The following ADAP1 variants were observed in gnomAD, a reference collection of about 807,000 sequenced individuals.
ADAP1 encodes ArfGAP with dual PH domains 1.
A neutral mutation model predicts 54.9 loss-of-function variants in ADAP1; 31 were observed. The observed-to-expected ratio is 0.56, with a 90% confidence interval of 0.42 to 0.76. The LOEUF (loss-of-function observed/expected upper bound fraction) is 0.76, where lower values mean the gene tolerates loss of function less well. ADAP1 is among the 30% of genes least tolerant of loss of function. The pLI, the probability that ADAP1 is intolerant of heterozygous loss-of-function variation, is 0.00. For synonymous variants in ADAP1, 313 were observed against 202.6 expected, an observed-to-expected ratio of 1.55 and a Z score of -4.63; for missense variants, 535 against 512.4, an observed-to-expected ratio of 1.04 and a Z score of -0.42.
intron 7 of ADAP1, 60 bp downstream of exon 7, chr7:900,473 T>TGCCCC: frequency 6.7e-7 from 1 of 1,486,582 alleles, no homozygotes; most frequent in Non-Finnish European, 9.2e-7. Context: ...GAGGGCTCCG[T>TGCCCC]CCACCCCCCA....
At chr7:948,342 G>C (rs1430626468) in intron 1 of ADAP1, among the ~76,000 whole-genome samples, 1 of 152,030 alleles carries the variant, frequency 6.6e-6, no homozygotes, top group Non-Finnish European at 1.5e-5. Context: ...CTGAGCTTCT[G>C]AATGGAACAC....
rs985261250 is a variant in ADAP1, at chr7:898,849, G to GC, written c.*71dup. 5.5e-5 allele frequency: 85 copies of GC among 1,546,826 alleles called. No individual in the cohort carries two copies. The highest frequency in any genetic ancestry group is 5.0e-4 in the Middle Eastern group (3 of 5,992). The stretch of plus-strand genomic sequence containing the variant: ...GGCCAGGTGGCCTCAGGACGCCAGA[G>GC]CCCCCCCATCCACGGGTCCCCTCCG... On this transcript the variant is annotated 3_prime_UTR_variant, in exon 11 of 11. Transcript: ENST00000265846.
intron 4 of ADAP1, among the ~76,000 whole-genome samples, chr7:914,817 T>C (rs1845865080): frequency 6.6e-6 from 1 of 152,124 alleles, no homozygotes; most frequent in Non-Finnish European, 1.5e-5. Flanking sequence ...CACCGCCTGC[T>C]GGTCCCCAGG....
intron 4 of ADAP1, among the ~76,000 whole-genome samples, chr7:918,118 G>A (rs1460111486): frequency 6.6e-6 from 1 of 152,174 alleles, no homozygotes; most frequent in Non-Finnish European, 1.5e-5. Flanking sequence ...AGTAGAGACG[G>A]GGTTTCACCA....
chr7:915,917 G>A (rs999456390), intron 4 of ADAP1, among the ~76,000 whole-genome samples: 23 of 146,292 alleles, frequency 1.6e-4, no homozygotes, highest in Non-Finnish European at 1.8e-4. Context: ...CAGAACCCGC[G>A]CCCACTTTCC....
At chr7:901,238 G>C (rs889608551) in intron 6 of ADAP1, 1 of 355,406 alleles carries the variant, frequency 2.8e-6, no homozygotes, top group Non-Finnish European at 5.5e-6. Context: ...TCTGGGTCTA[G>C]ACTTCAGCCT....
Position 920,147 on chromosome 7 carries a change from C to A in ADAP1, c.306-97G>T. ...CGGACCCTGGACATCTCAAGAGGCT[C>A]ATAGGGACCCCCGGCAGACTCGAGC... On this transcript the variant is annotated intron_variant, in intron 3 of 10. Coordinates refer to ENST00000265846, the MANE Select transcript of ADAP1 (RefSeq NM_006869.4). The surrounding 1 kb of genome is among the most constrained non-coding windows in gnomAD (Gnocchi z 4.5). The A allele has an allele frequency of 9.1e-7, 1 of 1,099,926 alleles. No individual in the cohort carries two copies. Among genetic ancestry groups the A allele is most frequent in the South Asian group, 1.4e-5 (1 of 72,524 alleles). 68.1% of individuals were successfully genotyped at this position (1,099,926 alleles called of 1,614,324 possible).
intron 4 of ADAP1, among the ~76,000 whole-genome samples, chr7:915,248 G>A (rs77586335): frequency 1.3e-3 from 48 of 37,964 alleles, no homozygotes; most frequent in Middle Eastern, 0.023. Context: ...CCTCGCCTGT[G>A]CATCTCACCT....
intron 4 of ADAP1, among the ~76,000 whole-genome samples, chr7:908,340 AGCCATAAAAC>A (rs1359030396): frequency 1.3e-5 from 2 of 152,120 alleles, no homozygotes; most frequent in South Asian, 4.1e-4. Flanking sequence ...CTGAGATGCA[AGCCATAAAAC>A]GCCTGGCGTT....
At chr7:951,375 A>AG (rs1357582634) in intron 1 of ADAP1, among the ~76,000 whole-genome samples, 1 of 150,900 alleles carries the variant, frequency 6.6e-6, no homozygotes, top group African/African-American at 2.4e-5. Context: ...TCCGTCTCAA[A>AG]AAAAAAAAAA....
intron 2 of ADAP1, among the ~76,000 whole-genome samples, chr7:930,410 G>A (rs963383884): frequency 1.5e-4 from 3 of 19,790 alleles, no homozygotes; most frequent in East Asian, 7.5e-3. Context: ...GGGCGCGGTG[G>A]CTCACACCTG....
At chr7:912,431 T>C (rs1018731661) in intron 4 of ADAP1, among the ~76,000 whole-genome samples, 25 of 151,982 alleles carry the variant, frequency 1.6e-4, no homozygotes, top group African/African-American at 5.8e-4. Context: ...AACCCCCACA[T>C]CTGGGGGAGG....
chr7:899,859 G>A (rs903725698), intron 8 of ADAP1, among the ~76,000 whole-genome samples: 1 of 152,176 alleles, frequency 6.6e-6, no homozygotes, highest in Non-Finnish European at 1.5e-5. Flanking sequence ...TGGCCGCGCA[G>A]GTGCACGGTC....
intron 2 of ADAP1, among the ~76,000 whole-genome samples, chr7:932,882 C>T (rs970744560): frequency 2.0e-5 from 3 of 152,150 alleles, no homozygotes; most frequent in African/African-American, 7.2e-5. Context: ...GATTTGGGGT[C>T]GCCCTGGGTG....
rs1426431654 is a variant in ADAP1, at chr7:946,843, G to A, written c.82+7553C>T. On this transcript the variant is annotated intron_variant, in intron 1 of 10. Coordinates refer to ENST00000265846, the MANE Select transcript of ADAP1 (RefSeq NM_006869.4). The surrounding 1 kb of genome is among the most constrained non-coding windows in gnomAD (Gnocchi z 4.3). ...TGCCACTGAATTTTCACTTTGAAAT[G>A]ATTAACCTGAGGCCGGGCGGGGCGG... Among the ~76,000 whole-genome samples the A allele has an allele frequency of 6.6e-6, 1 of 152,214 alleles. No individual in the cohort carries two copies. The highest frequency in any genetic ancestry group is 2.4e-5 in the African/African-American group (1 of 41,452).
intron 4 of ADAP1, among the ~76,000 whole-genome samples, chr7:906,475 A>C (rs1583134225): frequency 7.7e-5 from 9 of 116,508 alleles, no homozygotes; most frequent in East Asian, 6.1e-4. Context: ...GAAAGGAGAA[A>C]GGAGAAAGGA....
rs1846141221 is a variant in ADAP1, at chr7:920,369, C to G, written c.306-319G>C. Among the ~76,000 whole-genome samples the G allele has an allele frequency of 6.6e-6, 1 of 152,096 alleles. No individual in the cohort carries two copies. The highest frequency in any genetic ancestry group is 2.4e-5 in the African/African-American group (1 of 41,406). On this transcript the variant is annotated intron_variant, in intron 3 of 10. Coordinates refer to ENST00000265846, the MANE Select transcript of ADAP1 (RefSeq NM_006869.4). This position sits in a 1 kb window ranked among gnomAD's most constrained non-coding sequence, Gnocchi z 4.5. The stretch of plus-strand genomic sequence containing the variant: ...TCCCACCTTGGCCTCAGCTGATGCC[C>G]CACAGGGCTGGGGTACAGGGGTTGA...
chr7:947,193 C>T (rs1847161858), intron 1 of ADAP1, among the ~76,000 whole-genome samples: 1 of 149,284 alleles, frequency 6.7e-6, no homozygotes, highest in African/African-American at 2.5e-5. Context: ...GTGTGCACCA[C>T]CACATCTGGC....
rs773518619 is a variant in ADAP1 at position 900,633 on chromosome 7, G to A, written c.649-17C>T. 1.3e-6 allele frequency: 2 copies of A among 1,596,224 alleles called. No homozygotes were observed. Among genetic ancestry groups the A allele is most frequent in the African/African-American group, 2.7e-5 (2 of 74,168 alleles). ...CACAATCTCCTAGGGGCAAAGGTGG[G>A]CACAGGCTTGGGCTGAGGAGGCTGC... On this transcript the variant is annotated splice_polypyrimidine_tract_variant and intron_variant, in intron 6 of 10. Transcript: ENST00000265846.
Sources: gnomAD v4.1 joint callset for allele counts (sites outside exome capture counted in the v4.1 genomes callset) on GRCh38, gnomAD v4.1.1 for gene constraint, Gnocchi (gnomAD v3.1) non-coding constraint, MANE v1.5 for transcripts, NCBI Gene and HGNC (gene_info 2026-07-23, HGNC 2026-07-21) for gene names.